The following SCEL variants were observed in gnomAD, a reference collection of about 807,000 sequenced individuals.
SCEL encodes sciellin.
A neutral mutation model predicts 117.6 loss-of-function variants in SCEL; 113 were observed. The observed-to-expected ratio is 0.96, with a 90% confidence interval of 0.83 to 1.12. SCEL has a LOEUF of 1.12. Among genes scored for constraint, SCEL ranks in the 50% most tolerant of loss-of-function variants. The pLI, the probability that SCEL is intolerant of heterozygous loss-of-function variation, is 0.00. For missense variants in SCEL, 785 were observed against 810.8 expected (o/e 0.97, Z 0.39); for synonymous variants, 270 against 256.2 (o/e 1.05, Z -0.51).
rs1328641775 is a variant in SCEL at position 77,559,679 on chromosome 13, C to T, written c.162-125C>T. The T allele has an allele frequency of 4.2e-6, 3 of 708,332 alleles. No homozygotes were observed. The African/African-American group carries it at 5.3e-5, about 13-fold the overall frequency. 43.9% of individuals were successfully genotyped at this position (708,332 alleles called of 1,614,324 possible). A position where few individuals can be genotyped will look rare whatever the true frequency, so the allele number is the denominator to read the frequency against. ...ATAGATACATAATTTTGTGTTCTCA[C>T]AACTGAAGTAAAATGAATTAACCTT... On this transcript the variant is annotated intron_variant, in intron 3 of 32. Coordinates refer to ENST00000349847, the MANE Select transcript of SCEL (RefSeq NM_144777.3).
intron 12 of SCEL, among the ~76,000 whole-genome samples, chr13:77,596,151 G>A (rs1036512856): frequency 2.6e-5 from 4 of 152,070 alleles, no homozygotes; most frequent in Admixed American, 1.3e-4. Flanking sequence ...TGGCAAACAT[G>A]GTGAAACCCC....
chr13:77,605,070 T>A (rs972189758), intron 19 of SCEL, among the ~76,000 whole-genome samples: 1 of 152,204 alleles, frequency 6.6e-6, no homozygotes, highest in Non-Finnish European at 1.5e-5. Flanking sequence ...AGAGCTTATG[T>A]CTTCTTGCTT....
At chr13:77,599,811 G>GTCTCCTCCAGAAAAT in intron 15 of SCEL, 63 bp downstream of exon 15, 1 of 1,162,950 alleles carries the variant, frequency 8.6e-7, no homozygotes, top group Non-Finnish European at 1.3e-6. Flanking sequence ...TTTTCTGGAG[G>GTCTCCTCCAGAAAAT]AGACCTCCTG....
intron 12 of SCEL, among the ~76,000 whole-genome samples, chr13:77,595,044 G>A (rs2087138273): frequency 6.6e-6 from 1 of 152,302 alleles, no homozygotes; most frequent in East Asian, 1.9e-4. Context: ...GTAGGGATTA[G>A]ACAGTGGTTT....
At chr13:77,609,032 G>C (rs912293) in intron 20 of SCEL, 26 bp from the exon 21 acceptor site, 1,416,192 of 1,524,558 alleles carry the variant, frequency 0.93, 658,005 homozygotes, top group South Asian at 0.96. Context: ...TTTTATTTAT[G>C]ATGTTTTTTG....
chr13:77,550,223 TAAAAATAA>T (rs1444894655), intron 1 of SCEL, among the ~76,000 whole-genome samples: 2 of 151,516 alleles, frequency 1.3e-5, no homozygotes, highest in Admixed American at 6.6e-5. Context: ...GCGTGTCTAC[TAAAAATAA>T]AAAAATTAGC....
chr13:77,631,750 T>C (rs573337910), intron 28 of SCEL, among the ~76,000 whole-genome samples: 25 of 152,366 alleles, frequency 1.6e-4, no homozygotes, highest in African/African-American at 5.8e-4. Flanking sequence ...TTCACAGTTA[T>C]AAAAATTAAA....
At position 77,645,186 on chromosome 13, in the gene SCEL, G is replaced by A. The variant is rs2090731316; in HGVS notation, c.*912G>A. 6.6e-6 allele frequency: 1 copy of A among 151,994 alleles called. No homozygotes were observed. The highest frequency in any genetic ancestry group is 6.6e-5 in the Admixed American group (1 of 15,250). The allele number at this position is 151,994 out of a possible 1,614,324, so 9.4% of individuals were successfully genotyped here. A position where few individuals can be genotyped will look rare whatever the true frequency, so the allele number is the denominator to read the frequency against. The stretch of plus-strand genomic sequence containing the variant: ...ACTAAAAAGATATGTTCTTTAGTAT[G>A]TTATATATACTCATATTACATAGCA... On this transcript the variant is annotated 3_prime_UTR_variant, in exon 33 of 33. Coordinates refer to ENST00000349847, the MANE Select transcript of SCEL (RefSeq NM_144777.3).
chr13:77,621,578 C>T (rs2154404317), intron 27 of SCEL, among the ~76,000 whole-genome samples: 1 of 152,310 alleles, frequency 6.6e-6, no homozygotes, highest in South Asian at 2.1e-4. Context: ...TTAATCATCC[C>T]TTTTTGACTA....
At chr13:77,582,905 C>T (rs2086347017) in intron 9 of SCEL, among the ~76,000 whole-genome samples, 1 of 151,950 alleles carries the variant, frequency 6.6e-6, no homozygotes. Flanking sequence ...GTAATGCTAA[C>T]TTTTTTTTAG....
intron 11 of SCEL, among the ~76,000 whole-genome samples, chr13:77,593,288 G>C (rs1482932913): frequency 2.0e-4 from 24 of 121,556 alleles, no homozygotes; most frequent in African/African-American, 8.7e-4. Context: ...GTGTGTGTGT[G>C]TGTGTGTGTC....
intron 17 of SCEL, 126 bp downstream of exon 17, chr13:77,602,839 C>T: frequency 5.2e-6 from 4 of 771,050 alleles, no homozygotes; most frequent in Non-Finnish European, 8.5e-6. Flanking sequence ...CCCTGATCTT[C>T]ACTTCAAAGA....
chr13:77,576,129 A>G (rs1346300990), intron 9 of SCEL, among the ~76,000 whole-genome samples: 2 of 152,180 alleles, frequency 1.3e-5, no homozygotes, highest in African/African-American at 4.8e-5. Context: ...TTCTCGGAAG[A>G]GTTGATGATG....
Position 77,602,058 on chromosome 13 carries a change from T to G in SCEL, c.918-7T>G. ...CTTTCTCTTTCTTTTCCCCCAATGT[T>G]GTAAAGAATCCAAAGCCTTGGAAGT... is the stretch of plus-strand genomic sequence containing the variant. On this transcript the variant is annotated splice_polypyrimidine_tract_variant and splice_region_variant and intron_variant, in intron 15 of 32. Transcript: ENST00000349847. 1 of 1,606,360 alleles carries G rather than the reference T, an allele frequency of 6.2e-7. No homozygotes were observed.
intron 22 of SCEL, among the ~76,000 whole-genome samples, chr13:77,611,540 G>A (rs1478217195): frequency 6.6e-6 from 1 of 152,086 alleles, no homozygotes; most frequent in African/African-American, 2.4e-5. Context: ...TCCCTCTCCC[G>A]AGATGACTTA....
chr13:77,585,595 A>G (rs1308865148), intron 9 of SCEL, among the ~76,000 whole-genome samples: 1 of 152,022 alleles, frequency 6.6e-6, no homozygotes, highest in East Asian at 1.9e-4. Flanking sequence ...GTGCTCCACT[A>G]TCCATCACCC....
chr13:77,582,100 C>G (rs188926888), intron 9 of SCEL, among the ~76,000 whole-genome samples: 7 of 152,180 alleles, frequency 4.6e-5, no homozygotes, highest in Non-Finnish European at 1.0e-4. Flanking sequence ...TCTTTGTCCT[C>G]TCATCTCTCT....
At chr13:77,607,519 A>G (rs1229285690) in intron 19 of SCEL, among the ~76,000 whole-genome samples, 1 of 152,236 alleles carries the variant, frequency 6.6e-6, no homozygotes, top group Non-Finnish European at 1.5e-5. Flanking sequence ...TAAGTACCAG[A>G]AGCAATTACT....
At chr13:77,566,338 C>A (rs1437336790) in intron 5 of SCEL, among the ~76,000 whole-genome samples, 2 of 152,086 alleles carry the variant, frequency 1.3e-5, no homozygotes, top group African/African-American at 4.8e-5. Context: ...ATTATACCTA[C>A]CTTGTAGGGA....
Sources: gnomAD v4.1 joint callset for allele counts (sites outside exome capture counted in the v4.1 genomes callset) on GRCh38, gnomAD v4.1.1 for gene constraint, MANE v1.5 for transcripts, NCBI Gene and HGNC (gene_info 2026-07-23, HGNC 2026-07-21) for gene names.